The following SMG6 variants were observed in gnomAD, a reference collection of about 807,000 sequenced individuals.
SMG6 encodes SMG6 nonsense mediated mRNA decay factor.
In SMG6, 66 loss-of-function variants were observed where a neutral mutation model predicts 142.2. That is an observed-to-expected ratio of 0.46 (90% CI 0.38 to 0.57). The LOEUF (loss-of-function observed/expected upper bound fraction) is 0.57. Among genes scored for constraint, SMG6 ranks in the 20% least tolerant of loss-of-function variants. The pLI, the probability that SMG6 is intolerant of heterozygous loss-of-function variation, is 0.00. For missense variants in SMG6, 1,793 were observed against 1,832.0 expected (o/e 0.98, Z 0.39); for synonymous variants, 779 against 702.4 (o/e 1.11, Z -1.72).
At chr17:2,169,311 TAA>T (rs879584928) in intron 13 of SMG6, among the ~76,000 whole-genome samples, 27 of 136,774 alleles carry the variant, frequency 2.0e-4, no homozygotes, top group Middle Eastern at 3.9e-3. Context: ...ACTCATCTCT[TAA>T]AAAAAAAAAA....
chr17:2,122,526 T>C (rs1164727211), intron 13 of SMG6: 1 of 152,202 alleles, frequency 6.6e-6, no homozygotes, highest in East Asian at 1.9e-4. Context: ...AATCCCCAAA[T>C]TCTAAAGGCT....
intron 13 of SMG6, among the ~76,000 whole-genome samples, chr17:2,130,645 G>C (rs566720317): frequency 6.6e-6 from 1 of 151,544 alleles, no homozygotes; most frequent in Admixed American, 6.6e-5. Flanking sequence ...AAAATATGTT[G>C]GTATATATTC....
intron 8 of SMG6, chr17:2,280,620 G>A: frequency 1.0e-6 from 1 of 983,962 alleles, no homozygotes; most frequent in Non-Finnish European, 1.2e-6. Context: ...CAAACTCAAA[G>A]ATTTAAATTT....
At chr17:2,257,074 C>G (rs2151325529) in intron 8 of SMG6, among the ~76,000 whole-genome samples, 1 of 149,996 alleles carries the variant, frequency 6.7e-6, no homozygotes, top group African/African-American at 2.5e-5. Context: ...CTCCCAGGTT[C>G]AAGGGATTCT....
chr17:2,214,998 C>A (rs889410639), intron 10 of SMG6, among the ~76,000 whole-genome samples: 1 of 152,156 alleles, frequency 6.6e-6, no homozygotes, highest in Non-Finnish European at 1.5e-5. Context: ...GCCAATGCTG[C>A]GATACCAAAG....
chr17:2,258,066 C>T (rs1365185807), intron 8 of SMG6, among the ~76,000 whole-genome samples: 1 of 120,476 alleles, frequency 8.3e-6, no homozygotes, highest in Non-Finnish European at 1.7e-5. Flanking sequence ...CACACACACA[C>T]ATATATATAC....
chr17:2,070,780 G>A (rs1809706376), intron 15 of SMG6, among the ~76,000 whole-genome samples: 1 of 152,140 alleles, frequency 6.6e-6, no homozygotes, highest in Non-Finnish European at 1.5e-5. Context: ...TGAGAGCAAG[G>A]TGCCACTACT....
rs920712104 is a variant in SMG6, at chr17:2,060,352, G to C, written c.*1140C>G. 2.2e-4 allele frequency: 34 copies of C among 152,390 alleles called. No individual in the cohort carries two copies. The highest frequency in any genetic ancestry group is 8.2e-4 in the African/African-American group (34 of 41,588). 9.4% of individuals were successfully genotyped at this position (152,390 alleles called of 1,614,324 possible). On this transcript the variant is annotated 3_prime_UTR_variant, in exon 19 of 19. Coordinates refer to ENST00000263073, the MANE Select transcript of SMG6 (RefSeq NM_017575.5). ...CAGTGTCAGTTTTTCCGGGGAGTGAGGGCAAAGCTAGAAACCAGGTTAGGC... is the reference window on the plus strand; with the variant it reads ...CAGTGTCAGTTTTTCCGGGGAGTGACGGCAAAGCTAGAAACCAGGTTAGGC...
At chr17:2,171,749 T>TA (rs2071509843) in intron 13 of SMG6, among the ~76,000 whole-genome samples, 1 of 146,368 alleles carries the variant, frequency 6.8e-6, no homozygotes. Flanking sequence ...TTTTTTTTTT[T>TA]AACATCTCCC....
At chr17:2,226,133 G>C (rs184455358) in intron 10 of SMG6, among the ~76,000 whole-genome samples, 2 of 152,152 alleles carry the variant, frequency 1.3e-5, no homozygotes, top group Admixed American at 1.3e-4. Context: ...AAATTAGCTG[G>C]GTGTGGTGGC....
chr17:2,114,234 C>T (rs1435182514), intron 13 of SMG6, among the ~76,000 whole-genome samples: 1 of 152,188 alleles, frequency 6.6e-6, no homozygotes, highest in Non-Finnish European at 1.5e-5. Flanking sequence ...TGCGCCATTG[C>T]ACTCCAGCCT....
intron 12 of SMG6, among the ~76,000 whole-genome samples, chr17:2,181,493 T>C (rs921351028): frequency 3.3e-5 from 5 of 152,240 alleles, no homozygotes; most frequent in African/African-American, 1.2e-4. Flanking sequence ...GAGATGTTTT[T>C]CTCTATTACA....
chr17:2,064,212 C>T (rs1382038645), intron 18 of SMG6, among the ~76,000 whole-genome samples: 3 of 152,110 alleles, frequency 2.0e-5, no homozygotes, highest in Non-Finnish European at 4.4e-5. Context: ...AGAAACGAAA[C>T]GGTGAGAACT....
intron 12 of SMG6, among the ~76,000 whole-genome samples, chr17:2,185,391 T>A (rs1193499168): frequency 6.6e-6 from 1 of 151,524 alleles, no homozygotes; most frequent in East Asian, 1.9e-4. Flanking sequence ...TAGACAAAGA[T>A]AAAAGAAGTA....
chr17:2,111,301 G>GA (rs2069309914), intron 13 of SMG6, among the ~76,000 whole-genome samples: 1 of 152,162 alleles, frequency 6.6e-6, no homozygotes, highest in Admixed American at 6.6e-5. Context: ...GCAGGGTGGG[G>GA]AAGAGTATTG....
At chr17:2,075,689 G>C (rs556787150) in intron 15 of SMG6, among the ~76,000 whole-genome samples, 1 of 152,218 alleles carries the variant, frequency 6.6e-6, no homozygotes, top group South Asian at 2.1e-4. Context: ...CCTGGTCTCT[G>C]AACAACTCCA....
At chr17:2,172,312 G>T (rs2071528580) in intron 13 of SMG6, among the ~76,000 whole-genome samples, 1 of 152,036 alleles carries the variant, frequency 6.6e-6, no homozygotes, top group Non-Finnish European at 1.5e-5. Flanking sequence ...GCGGAGGGGG[G>T]CGGGGAGGAA....
chr17:2,172,907 A>T, intron 12 of SMG6, 48 bp from the exon 13 acceptor site: 2 of 1,518,196 alleles, frequency 1.3e-6, no homozygotes, highest in Non-Finnish European at 1.8e-6. Flanking sequence ...AGGGACCAGT[A>T]AAAAAAAGTA....
At chr17:2,296,174 A>G (rs1204508595) in intron 4 of SMG6, among the ~76,000 whole-genome samples, 1 of 152,224 alleles carries the variant, frequency 6.6e-6, no homozygotes, top group East Asian at 1.9e-4. Flanking sequence ...GGCATAGCAT[A>G]TGAGAGTTTA....
Sources: gnomAD v4.1 joint callset for allele counts (sites outside exome capture counted in the v4.1 genomes callset) on GRCh38, gnomAD v4.1.1 for gene constraint, MANE v1.5 for transcripts, NCBI Gene and HGNC (gene_info 2026-07-23, HGNC 2026-07-21) for gene names.